The following LINGO1 variants were observed in gnomAD, a reference collection of about 807,000 sequenced individuals.
LINGO1 encodes leucine-rich repeat and immunoglobulin-like domain-containing nogo receptor-interacting protein 1.
In LINGO1, 11 loss-of-function variants were observed where a neutral mutation model predicts 37.3. The ratio of observed to expected loss-of-function variants is 0.29; its 90% confidence interval spans 0.19 to 0.49. LINGO1 has a LOEUF of 0.49. LINGO1 is among the 20% of genes least tolerant of loss of function. The pLI is 0.99. For missense variants in LINGO1, 585 were observed against 878.2 expected, an observed-to-expected ratio of 0.67 and a Z score of 4.22; for synonymous variants, 387 against 403.0, an observed-to-expected ratio of 0.96 and a Z score of 0.48.
At chr15:77,771,412 AC>A (rs1461084982) in intron 1 of LINGO1, among the ~76,000 whole-genome samples, 1 of 152,066 alleles carries the variant, frequency 6.6e-6, no homozygotes, top group Non-Finnish European at 1.5e-5. Flanking sequence ...ATGTGGAGCC[AC>A]TGGACACTGA....
At chr15:77,669,215 A>G (rs2075202847) in intron 3 of LINGO1, among the ~76,000 whole-genome samples, 1 of 152,166 alleles carries the variant, frequency 6.6e-6, no homozygotes, top group Admixed American at 6.5e-5. Flanking sequence ...GGCCAGAGAG[A>G]GGACAACTGG....
chr15:77,754,266 G>A (rs999829500), intron 1 of LINGO1, among the ~76,000 whole-genome samples: 1 of 150,164 alleles, frequency 6.7e-6, no homozygotes, highest in African/African-American at 2.5e-5. Flanking sequence ...GGAAGGGGAT[G>A]GCAAGAAGTG....
intron 3 of LINGO1, among the ~76,000 whole-genome samples, chr15:77,669,473 A>G (rs1284071842): frequency 6.6e-6 from 1 of 152,144 alleles, no homozygotes; most frequent in African/African-American, 2.4e-5. Flanking sequence ...AAACCGAGAG[A>G]GGTACACACC....
intron 3 of LINGO1, chr15:77,668,144 A>G (rs780182116): frequency 6.6e-5 from 10 of 152,378 alleles, no homozygotes; most frequent in Non-Finnish European, 1.3e-4. Context: ...AGGACGACCC[A>G]TGGTGCAAAT....
rs575808045 is a variant in LINGO1, at chr15:77,678,418, G to A, written c.-98-1244C>T. Among the ~76,000 whole-genome samples the A allele has an allele frequency of 2.6e-5, 4 of 152,290 alleles. No individual in the cohort carries two copies. In the East Asian group the frequency reaches 7.7e-4, roughly 29 times the overall value. ...CGTTTTCCAGAGTGTCATACAAATG[G>A]AGTCATCTAAACGTAGCCCTCTGAG... On this transcript the variant is annotated intron_variant, in intron 2 of 3. Coordinates refer to the LINGO1 transcript ENST00000559893.
At chr15:77,818,219 G>A (rs935876566) in intron 1 of LINGO1, among the ~76,000 whole-genome samples, 5 of 152,190 alleles carry the variant, frequency 3.3e-5, no homozygotes, top group East Asian at 1.9e-4. Flanking sequence ...GAACCTGCAG[G>A]AGTCCTGACC....
intron 3 of LINGO1, among the ~76,000 whole-genome samples, chr15:77,646,088 T>G (rs75707862): frequency 6.6e-6 from 1 of 152,216 alleles, no homozygotes; most frequent in African/African-American, 2.4e-5. Context: ...GGCTTCAGCA[T>G]GAGCCTGGTG....
chr15:77,806,405 C>T (rs963817072), intron 1 of LINGO1, among the ~76,000 whole-genome samples: 6 of 152,032 alleles, frequency 3.9e-5, no homozygotes, highest in Non-Finnish European at 8.8e-5. Context: ...GGGTCGAGGG[C>T]GGAGGGGTAC....
At chr15:77,667,070 A>G in intron 3 of LINGO1, 1 of 152,530 alleles carries the variant, frequency 6.6e-6, no homozygotes, top group Non-Finnish European at 1.5e-5. Flanking sequence ...GGAGGAGGGG[A>G]AGCCTGAAGT....
chr15:77,656,086 G>C (rs976066966), intron 3 of LINGO1, among the ~76,000 whole-genome samples: 1 of 152,236 alleles, frequency 6.6e-6, no homozygotes, highest in African/African-American at 2.4e-5. Flanking sequence ...TGGGCACTCA[G>C]GGGACAGGGG....
intron 3 of LINGO1, among the ~76,000 whole-genome samples, chr15:77,655,680 C>T (rs1190271684): frequency 6.6e-6 from 1 of 152,202 alleles, no homozygotes; most frequent in African/African-American, 2.4e-5. Flanking sequence ...GACACTGAGG[C>T]CTAATGAGGT....
chr15:77,807,337 A>G (rs1567594778), intron 1 of LINGO1, among the ~76,000 whole-genome samples: 3 of 152,190 alleles, frequency 2.0e-5, no homozygotes, highest in Non-Finnish European at 4.4e-5. Flanking sequence ...GTGCATTCCC[A>G]GTGCTTGGCA....
upstream of LINGO1, among the ~76,000 whole-genome samples, chr15:77,636,781 C>T (rs1305895274): frequency 6.6e-6 from 1 of 152,118 alleles, no homozygotes; most frequent in Non-Finnish European, 1.5e-5. Context: ...CCTCCAGAAG[C>T]CACCACAGAG....
At chr15:77,705,093 C>T (rs1025304699) in intron 2 of LINGO1, among the ~76,000 whole-genome samples, 7 of 151,748 alleles carry the variant, frequency 4.6e-5, no homozygotes, top group Admixed American at 1.3e-4. Context: ...GCCCATCCTT[C>T]TTGTTCCCAG....
At chr15:77,763,484 T>A (rs1596201854) in intron 1 of LINGO1, among the ~76,000 whole-genome samples, 2 of 152,156 alleles carry the variant, frequency 1.3e-5, no homozygotes, top group Admixed American at 1.3e-4. Context: ...AGGCACTGGA[T>A]CCCCTCTACC....
chr15:77,640,781 G>A (rs1029471360), intron 3 of LINGO1, among the ~76,000 whole-genome samples: 1 of 152,068 alleles, frequency 6.6e-6, no homozygotes, highest in Non-Finnish European at 1.5e-5. Flanking sequence ...TGCTTCAGTG[G>A]GCTCATTGGT....
At position 77,766,120 on chromosome 15, in the gene LINGO1, G is replaced by C. The variant is rs144907338; in HGVS notation, c.-257+20749C>G. On this transcript the variant is annotated intron_variant, in intron 1 of 3. Transcript: ENST00000561686. The stretch of plus-strand genomic sequence containing the variant: ...AACAGGGAAGCAAACAGAAACAAAA[G>C]TGCAATGTGAAAAAAACAAGTGGCT... Among the ~76,000 whole-genome samples the C allele has an allele frequency of 5.9e-3, 901 of 152,058 alleles. 7 individuals are homozygous for C. Among genetic ancestry groups the C allele is most frequent in the African/African-American group, 0.02 (839 of 41,492 alleles).
chr15:77,674,123 C>T (rs1354808780), intron 3 of LINGO1, among the ~76,000 whole-genome samples: 1 of 152,146 alleles, frequency 6.6e-6, no homozygotes. Flanking sequence ...CAACCCCACC[C>T]TCCTAGATGC....
chr15:77,715,958 G>A (rs2075978974), intron 2 of LINGO1, among the ~76,000 whole-genome samples: 1 of 152,164 alleles, frequency 6.6e-6, no homozygotes, highest in Admixed American at 6.5e-5. Context: ...GCTGAGGGAG[G>A]GAAACATACT....
Sources: gnomAD v4.1 joint callset for allele counts (sites outside exome capture counted in the v4.1 genomes callset) on GRCh38, gnomAD v4.1.1 for gene constraint, MANE v1.5 for transcripts, NCBI Gene and HGNC (gene_info 2026-07-23, HGNC 2026-07-21) for gene names.